The following IL12B variants were observed in gnomAD, a reference collection of about 807,000 sequenced individuals.
IL12B encodes interleukin-12 subunit beta.
A neutral mutation model predicts 39.2 loss-of-function variants in IL12B; 27 were observed. The observed-to-expected ratio is 0.69, with a 90% confidence interval of 0.51 to 0.95. The LOEUF (loss-of-function observed/expected upper bound fraction) is 0.95. Ranked by LOEUF, IL12B falls within the 40% of genes least tolerant of loss-of-function variation. The pLI, the probability that IL12B is intolerant of heterozygous loss-of-function variation, is 0.00. For missense variants in IL12B, 351 were observed against 397.6 expected (o/e 0.88, Z 1.00); for synonymous variants, 142 against 152.1 (o/e 0.93, Z 0.49).
chr5:159,328,366 C>T (rs532178446), intron 1 of IL12B, among the ~76,000 whole-genome samples: 12 of 152,252 alleles, frequency 7.9e-5, no homozygotes, highest in South Asian at 6.2e-4. Context: ...TTGGTCCCAC[C>T]GCTCATTTGC....
At chr5:159,317,508 G>C (rs1047615472) in intron 6 of IL12B, among the ~76,000 whole-genome samples, 2 of 152,270 alleles carry the variant, frequency 1.3e-5, no homozygotes, top group South Asian at 4.1e-4. Flanking sequence ...AGAGTAACTA[G>C]CTCACTGAAT....
At position 159,316,828 on chromosome 5, in the gene IL12B, A is replaced by G; in HGVS notation, c.856-12T>C. Reference sequence around the variant, plus strand: ...AAGACTCTATCTTTCTGCAAAAGAGAAGGAAAGCTGTGAAGACCCCTTGGC... The same window carrying G: ...AAGACTCTATCTTTCTGCAAAAGAGGAGGAAAGCTGTGAAGACCCCTTGGC... On this transcript the variant is annotated splice_polypyrimidine_tract_variant and intron_variant, in intron 6 of 7. Coordinates refer to ENST00000231228, the MANE Select transcript of IL12B (RefSeq NM_002187.3). 1 of 1,613,850 alleles carries G rather than the reference A, an allele frequency of 6.2e-7. No individual in the cohort carries two copies. The highest frequency in any genetic ancestry group is 8.5e-7 in the Non-Finnish European group (1 of 1,179,988).
chr5:159,326,840 G>C, intron 1 of IL12B, 58 bp from the exon 2 acceptor site: 6 of 1,001,518 alleles, frequency 6.0e-6, no homozygotes, highest in Non-Finnish European at 9.5e-6. Context: ...GGAAGAGGAA[G>C]AAAAAAGAGA....
chr5:159,323,902 G>GAA (rs71577371), intron 2 of IL12B, among the ~76,000 whole-genome samples: 39,117 of 137,928 alleles, frequency 0.28, 5,918 homozygotes, highest in East Asian at 0.47. Flanking sequence ...AGGATTAAAT[G>GAA]AAAAAAAAAA....
Position 159,323,067 on chromosome 5 carries a change from T to C in IL12B, c.351A>G (p.Leu117=). 1 of 1,614,188 alleles carries C rather than the reference T, an allele frequency of 6.2e-7. No individual in the cohort carries two copies. Among genetic ancestry groups the C allele is most frequent in the Non-Finnish European group, 8.5e-7 (1 of 1,180,004 alleles). Residue 117 remains leucine, a synonymous_variant, in exon 3 of 8, where the codon TTA becomes TTG. Coordinates refer to ENST00000231228, the MANE Select transcript of IL12B (RefSeq NM_002187.3). ...GTATAGAATTACCTTTCTGGTCCTT[T>C]AAAATATCAGTGGACCAAATTCCAT... is the stretch of plus-strand genomic sequence containing the variant. ...KEDGIWSTDI[L]KDQKEPKNKT...
At chr5:159,328,421 C>T (rs1271284655) in intron 1 of IL12B, among the ~76,000 whole-genome samples, 1 of 152,166 alleles carries the variant, frequency 6.6e-6, no homozygotes, top group African/African-American at 2.4e-5. Flanking sequence ...ACTCGCTGAG[C>T]CTCAGTCTCT....
At chr5:159,323,025 AT>A in intron 3 of IL12B, 28 bp downstream of exon 3, 1 of 1,608,804 alleles carries the variant, frequency 6.2e-7, no homozygotes, top group Middle Eastern at 1.7e-4. Flanking sequence ...GAAAGAGAAA[AT>A]TGATACTATC....
chr5:159,328,914 C>T (rs1368392005), intron 1 of IL12B, among the ~76,000 whole-genome samples: 1 of 152,186 alleles, frequency 6.6e-6, no homozygotes, highest in Non-Finnish European at 1.5e-5. Flanking sequence ...TGGGTCTCCT[C>T]CTTTGGCTCT....
intron 5 of IL12B, among the ~76,000 whole-genome samples, chr5:159,319,115 A>G (rs1256120478): frequency 1.3e-5 from 2 of 152,184 alleles, no homozygotes; most frequent in Non-Finnish European, 2.9e-5. Context: ...TCTCAGATCC[A>G]CATGTATTGC....
At chr5:159,323,014 C>T (rs377248069) in intron 3 of IL12B, 40 bp downstream of exon 3, 102 of 1,599,042 alleles carry the variant, frequency 6.4e-5, no homozygotes, top group African/African-American at 5.4e-4. Context: ...CTCTTATGAG[C>T]GAAAGAGAAA....
intron 2 of IL12B, among the ~76,000 whole-genome samples, chr5:159,324,251 C>A (rs989600327): frequency 6.6e-6 from 1 of 152,152 alleles, no homozygotes; most frequent in African/African-American, 2.4e-5. Context: ...CAGCTCAGAC[C>A]TTTTGTCTCT....
chr5:159,319,112 T>C (rs1381235792), intron 5 of IL12B, among the ~76,000 whole-genome samples: 2 of 152,246 alleles, frequency 1.3e-5, no homozygotes, highest in East Asian at 3.9e-4. Context: ...ACATCTCAGA[T>C]CCACATGTAT....
intron 2 of IL12B, among the ~76,000 whole-genome samples, chr5:159,324,842 T>A (rs531851589): frequency 4.9e-4 from 74 of 152,362 alleles, no homozygotes; most frequent in South Asian, 1.9e-3. Flanking sequence ...GAATATAAAG[T>A]TTTCACTTTA....
At chr5:159,325,418 A>G (rs1220005278) in intron 2 of IL12B, 2 of 152,222 alleles carry the variant, frequency 1.3e-5, no homozygotes, top group Non-Finnish European at 2.9e-5. Context: ...GAGTGGTCCC[A>G]GATTTCTTTC....
At chr5:159,328,659 A>G (rs1285840330) in intron 1 of IL12B, among the ~76,000 whole-genome samples, 2 of 152,212 alleles carry the variant, frequency 1.3e-5, no homozygotes, top group African/African-American at 4.8e-5. Flanking sequence ...TGTAAAACCC[A>G]GAGGCTGGCA....
At chr5:159,322,046 A>T (rs940322203) in intron 4 of IL12B, among the ~76,000 whole-genome samples, 19 of 152,036 alleles carry the variant, frequency 1.2e-4, no homozygotes, top group African/African-American at 4.3e-4. Context: ...TCAAGGTGCA[A>T]TTTCAGCAAG....
intron 6 of IL12B, chr5:159,318,216 C>T (rs1754020234): frequency 6.4e-6 from 1 of 155,738 alleles, no homozygotes; most frequent in South Asian, 2.0e-4. Context: ...ACAAGAATAA[C>T]ATCAGCTACC....
chr5:159,321,763 G>A (rs973029850), intron 4 of IL12B, among the ~76,000 whole-genome samples: 1 of 152,166 alleles, frequency 6.6e-6, no homozygotes, highest in Non-Finnish European at 1.5e-5. Flanking sequence ...TGAAATAATG[G>A]TAAAGTCAGG....
At chr5:159,321,270 G>C (rs2113027240) in intron 4 of IL12B, among the ~76,000 whole-genome samples, 1 of 151,664 alleles carries the variant, frequency 6.6e-6, no homozygotes, top group Non-Finnish European at 1.5e-5. Flanking sequence ...CTCCCAAAGA[G>C]TTAGGATTTC....
Sources: allele counts gnomAD v4.1 joint callset (sites outside exome capture counted in the v4.1 genomes callset), GRCh38; gene constraint gnomAD v4.1.1; transcripts MANE v1.5; gene names NCBI Gene and HGNC (gene_info 2026-07-23, HGNC 2026-07-21).